The following MAP4K5 variants were observed in gnomAD, a reference collection of about 807,000 sequenced individuals.
The protein encoded by MAP4K5 is MAPK/ERK kinase kinase kinase 5.
In MAP4K5, 82 loss-of-function variants were observed where a neutral mutation model predicts 135.6. The observed-to-expected ratio is 0.60, with a 90% confidence interval of 0.51 to 0.73. The LOEUF (loss-of-function observed/expected upper bound fraction) is 0.73, where lower values mean the gene tolerates loss of function less well. MAP4K5 is among the 30% of genes least tolerant of loss of function. The pLI, the probability that MAP4K5 is intolerant of heterozygous loss-of-function variation, is 0.00. For missense variants in MAP4K5, 907 were observed against 1,010.9 expected (o/e 0.90, Z 1.39); for synonymous variants, 347 against 335.0 (o/e 1.04, Z -0.39).
chr14:50,434,111 A>G (rs2036034649), intron 28 of MAP4K5, among the ~76,000 whole-genome samples: 1 of 152,224 alleles, frequency 6.6e-6, no homozygotes, highest in Non-Finnish European at 1.5e-5. Flanking sequence ...CTGCTTAGAA[A>G]GTGTATTTAC....
At chr14:50,464,175 T>A in intron 11 of MAP4K5, 42 bp from the exon 12 acceptor site, 1 of 944,534 alleles carries the variant, frequency 1.1e-6, no homozygotes, top group Non-Finnish European at 1.7e-6. Flanking sequence ...TCACTACTAT[T>A]ACGTTTCGGT....
At chr14:50,477,597 T>C (rs2037131087) in intron 6 of MAP4K5, among the ~76,000 whole-genome samples, 1 of 152,126 alleles carries the variant, frequency 6.6e-6, no homozygotes, top group Non-Finnish European at 1.5e-5. Flanking sequence ...TAAGTATGAG[T>C]TAGTCATAGG....
chr14:50,445,461 C>G (rs868179567), intron 17 of MAP4K5, among the ~76,000 whole-genome samples: 1 of 152,100 alleles, frequency 6.6e-6, no homozygotes, highest in Admixed American at 6.6e-5. Flanking sequence ...AAAAATGACT[C>G]CACTAATATG....
intron 2 of MAP4K5, among the ~76,000 whole-genome samples, chr14:50,518,395 A>G (rs910648792): frequency 2.0e-5 from 3 of 150,788 alleles, no homozygotes; most frequent in Non-Finnish European, 4.4e-5. Context: ...ACTTCTCCTC[A>G]CCCCCCACCA....
chr14:50,502,852 G>A lies in MAP4K5; in HGVS notation c.166+1948C>T, dbSNP rs2037735870. On this transcript the variant is annotated intron_variant, in intron 3 of 32. Coordinates refer to ENST00000682126, the MANE Select transcript of MAP4K5 (RefSeq NM_006575.6). ...ACTGAATCTATAGTAATGGCTTTGG[G>A]AAACTAGCCATTTGAAAAAATACAT... Among the ~76,000 whole-genome samples the A allele has an allele frequency of 1.3e-5, 2 of 151,998 alleles. 1 individual carries two copies. The highest frequency in any genetic ancestry group is 4.1e-4 in the South Asian group (2 of 4,832).
intron 8 of MAP4K5, among the ~76,000 whole-genome samples, chr14:50,475,819 A>C (rs1230874965): frequency 6.6e-6 from 1 of 152,260 alleles, no homozygotes; most frequent in East Asian, 1.9e-4. Context: ...ATTCATAGAT[A>C]TCAATGATTG....
intron 2 of MAP4K5, among the ~76,000 whole-genome samples, chr14:50,512,367 T>C (rs2037948597): frequency 6.6e-6 from 1 of 152,106 alleles, no homozygotes; most frequent in Admixed American, 6.5e-5. Flanking sequence ...TTTTTAGAGA[T>C]TCTGAGGGGC....
intron 3 of MAP4K5, among the ~76,000 whole-genome samples, chr14:50,494,851 C>G (rs1369616018): frequency 6.6e-6 from 1 of 152,102 alleles, no homozygotes; most frequent in African/African-American, 2.4e-5. Context: ...GTCTCTTCAA[C>G]AAATGGTTTG....
At chr14:50,494,006 AAAC>A (rs926627523) in intron 3 of MAP4K5, among the ~76,000 whole-genome samples, 2 of 151,782 alleles carry the variant, frequency 1.3e-5, no homozygotes, top group Non-Finnish European at 2.9e-5. Flanking sequence ...ACAAAAACAA[AAAC>A]AAAAAAAAGA....
At chr14:50,498,186 G>C (rs2037634243) in intron 3 of MAP4K5, among the ~76,000 whole-genome samples, 1 of 152,138 alleles carries the variant, frequency 6.6e-6, no homozygotes, top group South Asian at 2.1e-4. Flanking sequence ...AACCATCACA[G>C]TATCTGCCTG....
chr14:50,479,913 C>T (rs1335084575), intron 6 of MAP4K5, among the ~76,000 whole-genome samples: 1 of 152,168 alleles, frequency 6.6e-6, no homozygotes, highest in African/African-American at 2.4e-5. Flanking sequence ...TAAGCTGGGG[C>T]AATTATATGG....
intron 22 of MAP4K5, 118 bp from the exon 23 acceptor site, chr14:50,440,191 C>G: frequency 1.2e-6 from 1 of 826,072 alleles, no homozygotes. Flanking sequence ...ATTATCAAAC[C>G]CTTAAGAAAA....
chr14:50,484,041 A>G (rs2037311696), intron 5 of MAP4K5, among the ~76,000 whole-genome samples: 1 of 151,938 alleles, frequency 6.6e-6, no homozygotes, highest in South Asian at 2.1e-4. Flanking sequence ...TTGTATTTTT[A>G]GTAGAGATGG....
intron 3 of MAP4K5, among the ~76,000 whole-genome samples, chr14:50,502,499 G>A (rs562822901): frequency 6.6e-6 from 1 of 152,042 alleles, no homozygotes; most frequent in Non-Finnish European, 1.5e-5. Flanking sequence ...ATATGAAGAC[G>A]TGGCAAAAAC....
At chr14:50,541,223 A>C (rs2038556270) in intron 2 of MAP4K5, among the ~76,000 whole-genome samples, 1 of 152,236 alleles carries the variant, frequency 6.6e-6, no homozygotes, top group African/African-American at 2.4e-5. Context: ...TCTATGATAG[A>C]GTATCATTCC....
At chr14:50,432,121 T>C (rs1420450733) in intron 28 of MAP4K5, among the ~76,000 whole-genome samples, 1 of 152,218 alleles carries the variant, frequency 6.6e-6, no homozygotes, top group Non-Finnish European at 1.5e-5. Flanking sequence ...TACTGAGTGC[T>C]GACCATATGC....
intron 1 of MAP4K5, among the ~76,000 whole-genome samples, chr14:50,558,913 G>A (rs115090056): frequency 0.037 from 5,657 of 152,240 alleles, 100 homozygotes; most frequent in Middle Eastern, 0.058. Flanking sequence ...CAGTGTTCAC[G>A]ACTCTGCAGT....
chr14:50,463,891 CAAAAAAA>C (rs56877870), intron 12 of MAP4K5, among the ~76,000 whole-genome samples, 154 bp downstream of exon 12: 17 of 70,394 alleles, frequency 2.4e-4, no homozygotes, highest in Admixed American at 7.2e-4. Context: ...ACCCTGTTTC[CAAAAAAA>C]AAAAAAAAAA....
intron 10 of MAP4K5, among the ~76,000 whole-genome samples, chr14:50,467,185 C>T (rs1014603997): frequency 2.0e-5 from 3 of 151,910 alleles, no homozygotes; most frequent in Admixed American, 2.0e-4. Context: ...CACGTGTGAC[C>T]CATTTTCTTG....
Sources: gnomAD v4.1 joint callset for allele counts (sites outside exome capture counted in the v4.1 genomes callset) on GRCh38, gnomAD v4.1.1 for gene constraint, MANE v1.5 for transcripts, NCBI Gene and HGNC (gene_info 2026-07-23, HGNC 2026-07-21) for gene names.